Variants in HERC4 observed in about 807,000 individuals in gnomAD.
The protein encoded by HERC4 is probable E3 ubiquitin-protein ligase HERC4.
In HERC4, 28 loss-of-function variants were observed where a neutral mutation model predicts 124.3. The observed-to-expected ratio is 0.23, with a 90% CI of 0.17 to 0.31. HERC4 has a LOEUF of 0.31. Among genes scored for constraint, HERC4 ranks in the 10% least tolerant of loss-of-function variants. The pLI, the probability that HERC4 is intolerant of heterozygous loss-of-function variation, is 1.00. For synonymous variants in HERC4, 407 were observed against 421.5 expected, an observed-to-expected ratio of 0.97 and a Z score of 0.42; for missense variants, 713 against 1,229.3, an observed-to-expected ratio of 0.58 and a Z score of 6.28.
chr10:67,995,202 G>GAGT (rs1320752956), intron 9 of HERC4: 18 of 449,378 alleles, frequency 4.0e-5, no homozygotes, highest in Non-Finnish European at 6.2e-5. Context: ...GGAGGCAGGA[G>GAGT]AGTAGTTCCA....
chr10:67,972,111 G>A (rs1344155005), intron 15 of HERC4, among the ~76,000 whole-genome samples: 2 of 151,716 alleles, frequency 1.3e-5, no homozygotes, highest in Non-Finnish European at 2.9e-5. Flanking sequence ...CTACTTGGGA[G>A]GCTGAGGCAG....
chr10:67,976,779 C>CA (rs1330349458), intron 15 of HERC4, among the ~76,000 whole-genome samples: 4 of 152,156 alleles, frequency 2.6e-5, no homozygotes, highest in Non-Finnish European at 5.9e-5. Context: ...GCATTGAGCT[C>CA]AGCACTGCCC....
chr10:68,010,273 G>C, intron 9 of HERC4: 1 of 985,580 alleles, frequency 1.0e-6, no homozygotes, highest in Non-Finnish European at 1.6e-6. Flanking sequence ...GGAACACAGT[G>C]CAGTGCAGTG....
intron 9 of HERC4, among the ~76,000 whole-genome samples, chr10:68,009,973 CATTT>C (rs993734105): frequency 6.6e-6 from 1 of 152,066 alleles, no homozygotes; most frequent in African/African-American, 2.4e-5. Flanking sequence ...CAGTCTTCTT[CATTT>C]GAGAAAAAAG....
chr10:67,941,669 C>A (rs1226586812), intron 19 of HERC4, among the ~76,000 whole-genome samples: 1 of 91,764 alleles, frequency 1.1e-5, no homozygotes, highest in Non-Finnish European at 2.1e-5. Context: ...TAAAACACAA[C>A]TTTTTTTTTT....
intron 15 of HERC4, among the ~76,000 whole-genome samples, chr10:67,978,695 T>C (rs2035747379): frequency 6.6e-6 from 1 of 152,194 alleles, no homozygotes; most frequent in South Asian, 2.1e-4. Flanking sequence ...TCAGGTCTGA[T>C]CCAGTGTAGT....
intron 19 of HERC4, among the ~76,000 whole-genome samples, chr10:67,947,374 AT>A (rs2033447790): frequency 6.6e-6 from 1 of 152,276 alleles, no homozygotes; most frequent in East Asian, 1.9e-4. Flanking sequence ...TGAGACAAAT[AT>A]TGATAACAGG....
intron 13 of HERC4, among the ~76,000 whole-genome samples, chr10:67,990,650 C>T (rs899185757): frequency 6.6e-6 from 1 of 152,084 alleles, no homozygotes; most frequent in Non-Finnish European, 1.5e-5. Context: ...TCAATTTAAA[C>T]TCTCTACCTC....
chr10:67,996,613 AAT>A (rs2036898393), intron 9 of HERC4, among the ~76,000 whole-genome samples: 2 of 152,152 alleles, frequency 1.3e-5, no homozygotes, highest in African/African-American at 4.8e-5. Flanking sequence ...AAACTTAAAA[AAT>A]AGTTTTTTAT....
chr10:67,988,014 A>C (rs1012014762), intron 15 of HERC4: 1 of 152,028 alleles, frequency 6.6e-6, no homozygotes, highest in Non-Finnish European at 1.5e-5. Context: ...ACTTGAGAAA[A>C]CCAAATGGCA....
At chr10:67,980,477 T>G (rs2132627419) in intron 15 of HERC4, among the ~76,000 whole-genome samples, 1 of 152,308 alleles carries the variant, frequency 6.6e-6, no homozygotes. Flanking sequence ...CTGAGGAATT[T>G]TATCAACACT....
chr10:67,974,152 T>G (rs2035441507), intron 15 of HERC4, among the ~76,000 whole-genome samples: 1 of 146,480 alleles, frequency 6.8e-6, no homozygotes, highest in Non-Finnish European at 1.5e-5. Context: ...AAGACAACCT[T>G]TCTTAGTTGA....
At chr10:68,013,399 A>T (rs2038082076) in intron 9 of HERC4, among the ~76,000 whole-genome samples, 1 of 152,236 alleles carries the variant, frequency 6.6e-6, no homozygotes, top group Non-Finnish European at 1.5e-5. Context: ...ATAGCTTAAA[A>T]AGGAAGGAAA....
intron 15 of HERC4, among the ~76,000 whole-genome samples, chr10:67,981,913 C>A (rs1035060503): frequency 6.6e-6 from 1 of 152,060 alleles, no homozygotes; most frequent in South Asian, 2.1e-4. Flanking sequence ...TGTACTTACT[C>A]CAGCCTAGAC....
At chr10:68,067,069 T>G (rs145440017) in intron 3 of HERC4, 1 of 152,640 alleles carries the variant, frequency 6.6e-6, no homozygotes, top group African/African-American at 2.4e-5. Context: ...ATCTGCTATT[T>G]TGACAAGTTA....
chr10:68,040,491 A>C, intron 4 of HERC4: 1 of 735,870 alleles, frequency 1.4e-6, no homozygotes, highest in Non-Finnish European at 1.7e-6. Context: ...GAAAATAATT[A>C]AATAAATTTG....
At chr10:67,926,759 A>C (rs1352592930) in intron 23 of HERC4, among the ~76,000 whole-genome samples, 1 of 152,202 alleles carries the variant, frequency 6.6e-6, no homozygotes, top group Non-Finnish European at 1.5e-5. Flanking sequence ...TACCTTGTGG[A>C]GCTCACCGTC....
At chr10:68,007,613 C>G (rs955861356) in intron 9 of HERC4, 2 of 152,042 alleles carry the variant, frequency 1.3e-5, no homozygotes, top group African/African-American at 4.8e-5. Flanking sequence ...GAAGGCATTC[C>G]AAGTATTCAA....
chr10:67,949,494 A>G (rs76467714), intron 19 of HERC4, among the ~76,000 whole-genome samples: 13,566 of 152,132 alleles, frequency 0.089, 1,627 homozygotes, highest in African/African-American at 0.27. Flanking sequence ...AAACAAAAAA[A>G]CAGTAACAAA....
Sources: allele counts gnomAD v4.1 joint callset (sites outside exome capture counted in the v4.1 genomes callset), GRCh38; gene constraint gnomAD v4.1.1; transcripts MANE v1.5; gene names NCBI Gene and HGNC (gene_info 2026-07-23, HGNC 2026-07-21).